Variants in NAALADL2 observed in about 807,000 individuals in gnomAD.
NAALADL2 encodes the protein inactive N-acetylated-alpha-linked acidic dipeptidase-like protein 2.
NAALADL2 carries 76 observed loss-of-function variants against 87.2 expected under a neutral mutation model. The observed-to-expected ratio is 0.87, with a 90% CI of 0.72 to 1.05. The LOEUF (loss-of-function observed/expected upper bound fraction) is 1.05, where lower values mean the gene tolerates loss of function less well. NAALADL2 is among the 50% of genes least tolerant of loss of function. The pLI is 0.00. For synonymous variants in NAALADL2, 354 were observed against 331.0 expected, an observed-to-expected ratio of 1.07 and a Z score of -0.75; for missense variants, 1,089 against 945.8, an observed-to-expected ratio of 1.15 and a Z score of -1.99.
chr3:174,946,405 T>C (rs1175160996), intron 1 of NAALADL2, among the ~76,000 whole-genome samples: 1 of 152,094 alleles, frequency 6.6e-6, no homozygotes, highest in African/African-American at 2.4e-5. Context: ...GTTTTCCTAG[T>C]TGTATAACTT....
intron 2 of NAALADL2, among the ~76,000 whole-genome samples, chr3:175,218,656 G>T (rs1452720874): frequency 6.6e-6 from 1 of 151,710 alleles, no homozygotes; most frequent in African/African-American, 2.4e-5. Context: ...AATTTTAAAT[G>T]GAATCATTAA....
intron 1 of NAALADL2, among the ~76,000 whole-genome samples, chr3:175,049,128 A>G (rs1419882565): frequency 6.6e-6 from 1 of 152,034 alleles, no homozygotes; most frequent in Non-Finnish European, 1.5e-5. Flanking sequence ...ATCAGCCAGG[A>G]TCCACTGATT....
intron 2 of NAALADL2, among the ~76,000 whole-genome samples, chr3:174,595,682 C>T (rs1325456629): frequency 1.3e-5 from 2 of 152,112 alleles, no homozygotes; most frequent in African/African-American, 2.4e-5. Flanking sequence ...TTGCTTTGGC[C>T]TAATACATGG....
At chr3:175,699,839 C>T (rs1045275196) in intron 11 of NAALADL2, among the ~76,000 whole-genome samples, 1 of 151,956 alleles carries the variant, frequency 6.6e-6, no homozygotes, top group Non-Finnish European at 1.5e-5. Context: ...TTGATAAATG[C>T]CAAATCCTTT....
chr3:174,846,867 A>G (rs1380425080), intron 3 of NAALADL2, among the ~76,000 whole-genome samples: 1 of 152,128 alleles, frequency 6.6e-6, no homozygotes, highest in African/African-American at 2.4e-5. Context: ...GAAGACCACT[A>G]TAGGAGATAT....
At chr3:174,580,600 T>G (rs1366572571) in intron 2 of NAALADL2, among the ~76,000 whole-genome samples, 1 of 152,158 alleles carries the variant, frequency 6.6e-6, no homozygotes, top group Non-Finnish European at 1.5e-5. Context: ...ATCTGTTTTG[T>G]GTCACTGTAG....
chr3:174,658,730 T>A (rs1457613339), intron 2 of NAALADL2, among the ~76,000 whole-genome samples: 1 of 152,196 alleles, frequency 6.6e-6, no homozygotes, highest in Non-Finnish European at 1.5e-5. Flanking sequence ...GTTTTTTCAA[T>A]AAGTATAGAC....
chr3:174,894,310 G>A (rs1187943595), intron 1 of NAALADL2, among the ~76,000 whole-genome samples: 2 of 152,018 alleles, frequency 1.3e-5, no homozygotes, highest in African/African-American at 4.8e-5. Context: ...AGAAAATCAG[G>A]CCGGGCACAA....
chr3:175,025,309 T>G (rs947322379), intron 1 of NAALADL2, among the ~76,000 whole-genome samples: 3 of 152,148 alleles, frequency 2.0e-5, no homozygotes, highest in Non-Finnish European at 2.9e-5. Context: ...TGGTCAGCAC[T>G]GCCTACTAAA....
chr3:175,548,569 A>G (rs1262189446), intron 9 of NAALADL2, among the ~76,000 whole-genome samples: 1 of 151,766 alleles, frequency 6.6e-6, no homozygotes, highest in Non-Finnish European at 1.5e-5. Flanking sequence ...TTAGAAAAGA[A>G]AAGACTTCAC....
intron 5 of NAALADL2, among the ~76,000 whole-genome samples, chr3:175,403,724 G>A (rs2149067533): frequency 6.6e-6 from 1 of 152,154 alleles, no homozygotes; most frequent in Admixed American, 6.6e-5. Context: ...GTTTGGTAGA[G>A]AAGAATAATT....
rs1719189626 is a variant in NAALADL2 at position 174,607,219 on chromosome 3, A to G, written c.-115+56582A>G. ...ACCAGCCGCTGCAAAATCATGCCAA[A>G]ATGTAAAGACCATCGAGACTAGGAA... On this transcript the variant is annotated intron_variant, in intron 2 of 3. Transcript: ENST00000434257. 2.6e-5 allele frequency among the ~76,000 whole-genome samples: 4 copies of G among 152,110 alleles called. No individual in the cohort carries two copies. In the South Asian group the frequency reaches 8.3e-4, roughly 32 times the overall value.
chr3:175,007,712 T>C (rs1270857619), intron 1 of NAALADL2, among the ~76,000 whole-genome samples: 1 of 152,146 alleles, frequency 6.6e-6, no homozygotes, highest in Non-Finnish European at 1.5e-5. Flanking sequence ...CCCAAATATA[T>C]ACTGTTTCTT....
rs1055118900 is a variant in NAALADL2 at position 174,905,885 on chromosome 3, AGATTT to A, written c.43+46441_43+46445del. ...GTAAGAAATCTATGCCCATCACTCAAGATTTGATTTAGTACAACTGAGTTGCACCT... is the reference window on the plus strand; with the variant it reads ...GTAAGAAATCTATGCCCATCACTCAAGATTTAGTACAACTGAGTTGCACCT... On this transcript the variant is annotated intron_variant, in intron 1 of 13. Coordinates refer to ENST00000454872, the MANE Select transcript of NAALADL2 (RefSeq NM_207015.3). 3.3e-5 allele frequency among the ~76,000 whole-genome samples: 5 copies of A among 152,210 alleles called. No homozygotes were observed. The East Asian group carries it at 9.7e-4, about 29-fold the overall frequency.
At chr3:175,520,556 C>A (rs925722755) in intron 9 of NAALADL2, among the ~76,000 whole-genome samples, 2 of 152,122 alleles carry the variant, frequency 1.3e-5, no homozygotes, top group African/African-American at 4.8e-5. Context: ...CCTCGGCCTC[C>A]CAAAGTGTTG....
intron 5 of NAALADL2, among the ~76,000 whole-genome samples, chr3:175,438,091 C>G (rs6790161): frequency 0.74 from 111,823 of 151,914 alleles, 41,550 homozygotes; most frequent in Middle Eastern, 0.84. Flanking sequence ...CAAAACAAAA[C>G]TATTCATTTA....
intron 2 of NAALADL2, among the ~76,000 whole-genome samples, chr3:175,184,838 C>A (rs1014341498): frequency 3.9e-5 from 6 of 152,068 alleles, no homozygotes; most frequent in Non-Finnish European, 7.4e-5. Context: ...AAGGATAACA[C>A]CTTCATTGCC....
chr3:175,312,588 T>A (rs1019457277), intron 4 of NAALADL2, among the ~76,000 whole-genome samples: 3 of 152,182 alleles, frequency 2.0e-5, no homozygotes, highest in Admixed American at 2.0e-4. Context: ...TTGTAAAGGA[T>A]GGACGTATAA....
chr3:175,287,747 G>A (rs1755158811), intron 4 of NAALADL2, among the ~76,000 whole-genome samples: 1 of 152,194 alleles, frequency 6.6e-6, no homozygotes, highest in African/African-American at 2.4e-5. Flanking sequence ...ACAGATTCAT[G>A]AGAAATGGAA....
Sources: allele counts gnomAD v4.1 joint callset (sites outside exome capture counted in the v4.1 genomes callset), GRCh38; gene constraint gnomAD v4.1.1; transcripts MANE v1.5; gene names NCBI Gene and HGNC (gene_info 2026-07-23, HGNC 2026-07-21).